MAP4: variants seen among roughly 807,000 people sequenced by gnomAD.
MAP4 encodes microtubule-associated protein 4.
MAP4 carries 76 observed loss-of-function variants against 170.2 expected under a neutral mutation model. The ratio of observed to expected loss-of-function variants is 0.45; its 90% CI spans 0.37 to 0.54. MAP4 has a LOEUF of 0.54. Ranked by LOEUF, MAP4 falls within the 20% of genes least tolerant of loss-of-function variation. The probability of loss-of-function intolerance (pLI) is 0.00; values close to 1 mark genes in which losing one functional copy is unlikely to be tolerated. For missense variants in MAP4, 2,506 were observed against 2,748.0 expected, an observed-to-expected ratio of 0.91 and a Z score of 1.97; for synonymous variants, 909 against 994.5, an observed-to-expected ratio of 0.91 and a Z score of 1.62.
chr3:48,056,479 G>C (rs1272168506), intron 1 of MAP4, among the ~76,000 whole-genome samples: 1 of 60,036 alleles, frequency 1.7e-5, no homozygotes, highest in African/African-American at 7.4e-5. Flanking sequence ...CCCCGTCCGG[G>C]AGGGAGGTGG....
chr3:48,027,553 T>TA (rs142188951), intron 1 of MAP4, among the ~76,000 whole-genome samples: 1 of 152,166 alleles, frequency 6.6e-6, no homozygotes, highest in Admixed American at 6.6e-5. Context: ...ACAGCTTTTT[T>TA]AAAAAACAGG....
intron 9 of MAP4, among the ~76,000 whole-genome samples, chr3:47,904,836 C>T (rs1312496178): frequency 2.1e-5 from 3 of 141,392 alleles, no homozygotes; most frequent in Non-Finnish European, 4.7e-5. Context: ...TGCGTGGCTA[C>T]TTTTTGTATT....
At chr3:47,997,693 C>T (rs1474552672) in intron 2 of MAP4, among the ~76,000 whole-genome samples, 1 of 150,804 alleles carries the variant, frequency 6.6e-6, no homozygotes, top group Non-Finnish European at 1.5e-5. Flanking sequence ...TGATAAACCT[C>T]TACCTAGACT....
intron 1 of MAP4, among the ~76,000 whole-genome samples, chr3:48,063,390 C>T (rs1480449760): frequency 1.3e-5 from 2 of 148,552 alleles, no homozygotes; most frequent in African/African-American, 2.5e-5. Flanking sequence ...AACAACATAG[C>T]GAGACCTGTG....
intron 3 of MAP4, among the ~76,000 whole-genome samples, chr3:47,932,248 T>C (rs148107618): frequency 1.5e-3 from 224 of 152,332 alleles, no homozygotes; most frequent in Non-Finnish European, 2.8e-3. Context: ...CATGCTGTAG[T>C]ATGGTAACTG....
At chr3:48,028,694 C>T (rs942150583) in intron 1 of MAP4, among the ~76,000 whole-genome samples, 5 of 151,850 alleles carry the variant, frequency 3.3e-5, no homozygotes, top group Non-Finnish European at 7.4e-5. Context: ...ACTGCTTGAA[C>T]CCAGGAGGCG....
At chr3:47,987,304 T>C in intron 2 of MAP4, 1 of 1,063,966 alleles carries the variant, frequency 9.4e-7, no homozygotes, top group Non-Finnish European at 1.3e-6. Flanking sequence ...TTAATAAGTG[T>C]AAGATAACAA....
chr3:48,020,869 G>A (rs1229459969), upstream of MAP4, among the ~76,000 whole-genome samples: 1 of 151,470 alleles, frequency 6.6e-6, no homozygotes, highest in African/African-American at 2.4e-5. Flanking sequence ...TGTGCTCATT[G>A]TACACTACAG....
chr3:48,004,714 A>C lies in MAP4; in HGVS notation c.-19-5835T>G, dbSNP rs946497862. 5.9e-5 allele frequency among the ~76,000 whole-genome samples: 9 copies of C among 152,204 alleles called. No homozygotes were observed. In the East Asian group the frequency reaches 1.7e-3, roughly 29 times the overall value. ...TTGATTGGAAAAGAATGAGACCCAG[A>C]AACTTGGAATGGGGATGTGTGGGAG... On this transcript the variant is annotated intron_variant, in intron 1 of 20. Coordinates refer to ENST00000683076, the MANE Select transcript of MAP4 (RefSeq NM_001385682.1).
At chr3:48,047,299 T>C (rs1241373825) in intron 1 of MAP4, among the ~76,000 whole-genome samples, 1 of 151,992 alleles carries the variant, frequency 6.6e-6, no homozygotes, top group African/African-American at 2.4e-5. Flanking sequence ...GATTCTGCAC[T>C]AGACTCAACT....
At chr3:48,078,598 T>C (rs1277128074) in intron 1 of MAP4, among the ~76,000 whole-genome samples, 1 of 152,070 alleles carries the variant, frequency 6.6e-6, no homozygotes, top group Non-Finnish European at 1.5e-5. Context: ...TGAATGACCT[T>C]CTAAAGGTGA....
At chr3:47,941,630 A>C (rs911635188) in intron 3 of MAP4, among the ~76,000 whole-genome samples, 20 of 150,318 alleles carry the variant, frequency 1.3e-4, no homozygotes, top group African/African-American at 2.7e-4. Flanking sequence ...ACAAAAACAA[A>C]AAAAAAAAAA....
intron 17 of MAP4, among the ~76,000 whole-genome samples, chr3:47,863,773 C>T (rs1201038178): frequency 6.6e-6 from 1 of 152,012 alleles, no homozygotes; most frequent in Non-Finnish European, 1.5e-5. Flanking sequence ...TCCCCTCCCT[C>T]CCCTCCGCTG....
chr3:47,940,972 G>T (rs1216823681), intron 3 of MAP4, among the ~76,000 whole-genome samples: 1 of 151,916 alleles, frequency 6.6e-6, no homozygotes. Flanking sequence ...CTACCTCCCG[G>T]GTTCAAGCAA....
intron 17 of MAP4, among the ~76,000 whole-genome samples, chr3:47,864,897 G>GC: frequency 1.3e-5 from 2 of 152,224 alleles, no homozygotes; most frequent in East Asian, 1.9e-4. Context: ...ATGGTGCCCA[G>GC]CTGGGGGGCT....
At position 47,930,474 on chromosome 3, in the gene MAP4, AC is replaced by A. The variant is rs202057620; in HGVS notation, c.293-2125del. 1.2e-4 allele frequency among the ~76,000 whole-genome samples: 18 copies of A among 151,388 alleles called. 1 individual carries two copies. The highest frequency in any genetic ancestry group is 5.8e-4 in the East Asian group (3 of 5,152). On this transcript the variant is annotated intron_variant, in intron 3 of 20. Transcript: ENST00000683076. ...CTCAAAAAAAAAAACAAACAAACAA[AC>A]AAAAAAAACAAAAGACAACAACAAA...
chr3:47,854,105 AGG>A (rs2049957991), intron 19 of MAP4, among the ~76,000 whole-genome samples: 2 of 152,190 alleles, frequency 1.3e-5, no homozygotes, highest in African/African-American at 4.8e-5. Context: ...AGTGAGAAAT[AGG>A]CCTCGATTAA....
intron 3 of MAP4, 34 bp from the exon 4 acceptor site, chr3:47,928,384 A>G: frequency 6.2e-7 from 1 of 1,610,884 alleles, no homozygotes; most frequent in African/African-American, 1.3e-5. Context: ...AAGTTACAAG[A>G]TATTACAGTT....
At chr3:47,858,514 A>G (rs945032082) in intron 17 of MAP4, among the ~76,000 whole-genome samples, 1 of 152,028 alleles carries the variant, frequency 6.6e-6, no homozygotes, top group Non-Finnish European at 1.5e-5. Context: ...CTCCTTGCCC[A>G]GAGAACCTGG....
Sources: allele counts gnomAD v4.1 joint callset (sites outside exome capture counted in the v4.1 genomes callset), GRCh38; gene constraint gnomAD v4.1.1; transcripts MANE v1.5; gene names NCBI Gene and HGNC (gene_info 2026-07-23, HGNC 2026-07-21).